SV2C: variants seen among roughly 807,000 people sequenced by gnomAD.
SV2C encodes synaptic vesicle glycoprotein 2C.
A neutral mutation model predicts 79.7 loss-of-function variants in SV2C; 49 were observed. The observed-to-expected ratio is 0.61, with a 90% CI of 0.49 to 0.78. The LOEUF is 0.78. SV2C is among the 30% of genes least tolerant of loss of function. The pLI is 0.00. For missense variants in SV2C, 833 were observed against 912.9 expected (o/e 0.91, Z 1.13); for synonymous variants, 334 against 333.2 (o/e 1.00, Z -0.03).
intron 2 of SV2C, among the ~76,000 whole-genome samples, chr5:76,180,704 C>A (rs1014194055): frequency 6.6e-6 from 1 of 152,196 alleles, no homozygotes; most frequent in Non-Finnish European, 1.5e-5. Flanking sequence ...ACTGCCCCTT[C>A]AACCTTGCCA....
the SV2C span, among the ~76,000 whole-genome samples, chr5:75,973,410 G>T: frequency 6.6e-6 from 1 of 151,884 alleles, no homozygotes; most frequent in Non-Finnish European, 1.5e-5. Context: ...TAGGAGGATG[G>T]TTTGAGCCAA....
chr5:76,279,939 G>C (rs1747131231), intron 4 of SV2C, among the ~76,000 whole-genome samples: 1 of 152,122 alleles, frequency 6.6e-6, no homozygotes, highest in Non-Finnish European at 1.5e-5. Flanking sequence ...GGTGGCCTTA[G>C]CTAGGCACAT....
chr5:75,946,110 C>T, the SV2C span, among the ~76,000 whole-genome samples: 2 of 151,842 alleles, frequency 1.3e-5, no homozygotes, highest in Non-Finnish European at 2.9e-5. Flanking sequence ...AAACTAAAAC[C>T]TGGTTCTGTG....
At chr5:75,893,234 G>A in the SV2C span, among the ~76,000 whole-genome samples, 207 of 152,078 alleles carry the variant, frequency 1.4e-3, no homozygotes, top group African/African-American at 3.4e-3. Flanking sequence ...TTTGAGAAGT[G>A]TCTATTCATG....
the SV2C span, among the ~76,000 whole-genome samples, chr5:75,970,870 A>G: frequency 6.6e-6 from 1 of 152,086 alleles, no homozygotes; most frequent in Non-Finnish European, 1.5e-5. Flanking sequence ...AGACACAACC[A>G]AAAAAGAGAA....
chr5:76,129,165 A>G (rs1187645793), intron 1 of SV2C, among the ~76,000 whole-genome samples: 1 of 152,226 alleles, frequency 6.6e-6, no homozygotes, highest in Non-Finnish European at 1.5e-5. Flanking sequence ...GTTGTAAGGA[A>G]TGATTCAGAG....
chr5:75,994,697 A>G, the SV2C span, among the ~76,000 whole-genome samples: 1 of 152,190 alleles, frequency 6.6e-6, no homozygotes, highest in South Asian at 2.1e-4. Context: ...GGTATTATTC[A>G]GGATTCTCCA....
At chr5:75,893,026 T>C in the SV2C span, among the ~76,000 whole-genome samples, 21 of 152,266 alleles carry the variant, frequency 1.4e-4, no homozygotes, top group South Asian at 3.9e-3. Context: ...ACTGAACTTA[T>C]TTACATTCCC....
At chr5:76,077,020 T>C in the SV2C span, among the ~76,000 whole-genome samples, 1 of 152,198 alleles carries the variant, frequency 6.6e-6, no homozygotes, top group Non-Finnish European at 1.5e-5. Flanking sequence ...GATAGGAGGA[T>C]GGCTGTTTAA....
chr5:76,135,165 C>T (rs1749025803), intron 2 of SV2C, among the ~76,000 whole-genome samples: 1 of 152,026 alleles, frequency 6.6e-6, no homozygotes, highest in Non-Finnish European at 1.5e-5. Flanking sequence ...GAGGAGGGGA[C>T]CAATTAATGA....
Position 76,309,599 on chromosome 5 carries a change from C to CAA in SV2C, c.2000+8079_2000+8080dup, listed in dbSNP as rs769865757. ...TGGGCGACAGAGCGAAACTCCATCTCAAAAAAAAAAAAAAAAAAAAAAAAA... is the reference window on the plus strand; with the variant it reads ...TGGGCGACAGAGCGAAACTCCATCTCAAAAAAAAAAAAAAAAAAAAAAAAAAA... On this transcript the variant is annotated intron_variant, in intron 12 of 12. Coordinates refer to ENST00000502798, the MANE Select transcript of SV2C (RefSeq NM_014979.4). Among the ~76,000 whole-genome samples the CAA allele has an allele frequency of 3.0e-3, 57 of 18,690 alleles. 1 individual carries two copies. Among genetic ancestry groups the CAA allele is most frequent in the African/African-American group, 4.0e-3 (31 of 7,770 alleles). The allele number at this position is 18,690 out of a possible 152,430, so 12.3% of individuals were successfully genotyped here.
At position 76,170,861 on chromosome 5, in the gene SV2C, G is replaced by A. The variant is rs1409565914; in HGVS notation, c.581-24058G>A. 1.2e-4 allele frequency: 30 copies of A among 255,664 alleles called. 1 individual carries two copies. Among genetic ancestry groups the A allele is most frequent in the Non-Finnish European group, 6.0e-5 (9 of 148,962 alleles). The allele number at this position is 255,664 out of a possible 1,614,324, so 15.8% of individuals were successfully genotyped here. Reference sequence around the variant, plus strand: ...CGCGGGTGGTGGTTGGCGCGGCTGCGCTGCGGCCCGGGGCAGTGCGGAGCC... The same window carrying A: ...CGCGGGTGGTGGTTGGCGCGGCTGCACTGCGGCCCGGGGCAGTGCGGAGCC... On this transcript the variant is annotated intron_variant, in intron 2 of 12. Coordinates refer to ENST00000502798, the MANE Select transcript of SV2C (RefSeq NM_014979.4).
At chr5:76,242,773 C>G (rs983356542) in intron 4 of SV2C, among the ~76,000 whole-genome samples, 1 of 151,822 alleles carries the variant, frequency 6.6e-6, no homozygotes, top group African/African-American at 2.4e-5. Flanking sequence ...TAGCTCACGC[C>G]TGTAATCTCA....
intron 4 of SV2C, among the ~76,000 whole-genome samples, chr5:76,216,472 TCA>T (rs975838102): frequency 6.6e-6 from 1 of 152,134 alleles, no homozygotes; most frequent in African/African-American, 2.4e-5. Context: ...GCCTCAAAAA[TCA>T]GTGCCTGTAA....
At chr5:76,251,007 C>T (rs1223538832) in intron 4 of SV2C, among the ~76,000 whole-genome samples, 2 of 152,078 alleles carry the variant, frequency 1.3e-5, no homozygotes, top group South Asian at 2.1e-4. Flanking sequence ...ATTGTTTCCC[C>T]GACCCACTGC....
the SV2C span, among the ~76,000 whole-genome samples, chr5:75,943,355 A>G: frequency 2.6e-5 from 4 of 152,174 alleles, no homozygotes; most frequent in Non-Finnish European, 4.4e-5. Context: ...TTTTTTCCCA[A>G]TAACATTGGC....
At chr5:76,111,544 A>G (rs975184545) in intron 1 of SV2C, among the ~76,000 whole-genome samples, 1 of 152,122 alleles carries the variant, frequency 6.6e-6, no homozygotes, top group Non-Finnish European at 1.5e-5. Context: ...GGTCTGTTAT[A>G]ATTAGATTCC....
At chr5:76,296,647 A>G (rs1747778238) in intron 9 of SV2C, among the ~76,000 whole-genome samples, 1 of 152,206 alleles carries the variant, frequency 6.6e-6, no homozygotes, top group African/African-American at 2.4e-5. Flanking sequence ...AGTTCATGAT[A>G]GTTTACATCA....
the SV2C span, among the ~76,000 whole-genome samples, chr5:75,927,363 G>C: frequency 6.6e-6 from 1 of 151,936 alleles, no homozygotes; most frequent in African/African-American, 2.4e-5. Flanking sequence ...TGTGAACCTA[G>C]AGGACATTAT....
Sources: gnomAD v4.1 joint callset for allele counts (sites outside exome capture counted in the v4.1 genomes callset) on GRCh38, gnomAD v4.1.1 for gene constraint, MANE v1.5 for transcripts, NCBI Gene and HGNC (gene_info 2026-07-23, HGNC 2026-07-21) for gene names.